The following ZHX2 variants were observed in gnomAD, a reference collection of about 807,000 sequenced individuals.
The protein encoded by ZHX2 is zinc fingers and homeoboxes protein 2.
A neutral mutation model predicts 21.9 loss-of-function variants in ZHX2; 6 were observed. The observed-to-expected ratio is 0.27, with a 90% CI of 0.15 to 0.54. The LOEUF (loss-of-function observed/expected upper bound fraction) is 0.54, where lower values mean the gene tolerates loss of function less well. Among genes scored for constraint, ZHX2 ranks in the 20% least tolerant of loss-of-function variants. The probability of loss-of-function intolerance (pLI) is 0.95; values close to 1 mark genes in which losing one functional copy is unlikely to be tolerated. For synonymous variants in ZHX2, 434 were observed against 437.1 expected, an observed-to-expected ratio of 0.99 and a Z score of 0.09; for missense variants, 908 against 1,090.7, an observed-to-expected ratio of 0.83 and a Z score of 2.36.
At chr8:122,850,335 C>T (rs1818858669) in intron 1 of ZHX2, among the ~76,000 whole-genome samples, 1 of 151,904 alleles carries the variant, frequency 6.6e-6, no homozygotes, top group South Asian at 2.1e-4. Context: ...ACCACTGTCC[C>T]CCATTCAAGA....
intron 2 of ZHX2, among the ~76,000 whole-genome samples, chr8:122,950,784 T>TGG (rs557117234): frequency 1.5e-3 from 224 of 152,006 alleles, no homozygotes; most frequent in African/African-American, 5.3e-3. Flanking sequence ...ACTGCAATAT[T>TGG]GGGGGGGTGA....
intron 1 of ZHX2, among the ~76,000 whole-genome samples, chr8:122,820,858 A>G (rs1818132942): frequency 6.6e-6 from 1 of 152,212 alleles, no homozygotes; most frequent in Non-Finnish European, 1.5e-5. Context: ...TGGCTTCCAA[A>G]TCAAAGCCAA....
intron 1 of ZHX2, among the ~76,000 whole-genome samples, chr8:122,841,146 T>A (rs551932660): frequency 1.5e-4 from 23 of 152,302 alleles, no homozygotes; most frequent in Admixed American, 1.1e-3. Context: ...CGTTGCTGGT[T>A]CCTGCTTCCC....
intron 1 of ZHX2, among the ~76,000 whole-genome samples, chr8:122,836,430 A>C (rs1413834488): frequency 6.6e-6 from 1 of 152,068 alleles, no homozygotes; most frequent in Non-Finnish European, 1.5e-5. Flanking sequence ...TGCAGACCTG[A>C]GCCCCTCCCC....
intron 3 of ZHX2, among the ~76,000 whole-genome samples, chr8:122,966,980 T>C (rs1161232650): frequency 6.6e-5 from 10 of 152,248 alleles, no homozygotes; most frequent in Non-Finnish European, 1.5e-5. Flanking sequence ...TCTCTAAATG[T>C]GTCTTTCATT....
intron 1 of ZHX2, among the ~76,000 whole-genome samples, chr8:122,804,405 G>A (rs1817784618): frequency 6.6e-6 from 1 of 152,152 alleles, no homozygotes; most frequent in Non-Finnish European, 1.5e-5. Context: ...CACCACGCCC[G>A]GCCCCATTTA....
At chr8:122,799,899 T>A (rs1817683736) in intron 1 of ZHX2, among the ~76,000 whole-genome samples, 1 of 152,228 alleles carries the variant, frequency 6.6e-6, no homozygotes, top group African/African-American at 2.4e-5. Flanking sequence ...GTTTCACTCT[T>A]GTTGCCCAGG....
chr8:122,839,666 C>G (rs1818579646), intron 1 of ZHX2, among the ~76,000 whole-genome samples: 1 of 152,168 alleles, frequency 6.6e-6, no homozygotes, highest in African/African-American at 2.4e-5. Flanking sequence ...TTCCAGAAAT[C>G]ACTGCAAGTT....
At position 122,952,380 on chromosome 8, in the gene ZHX2, T is replaced by C; in HGVS notation, c.870T>C (p.Ala290=). 6.2e-7 allele frequency: 1 copy of C among 1,614,218 alleles called. No homozygotes were observed. Among genetic ancestry groups the C allele is most frequent in the Non-Finnish European group, 8.5e-7 (1 of 1,180,048 alleles). The change falls in exon 3 of 4, where the codon GCT becomes GCC. Residue 290 remains alanine, a synonymous_variant. Coordinates refer to ENST00000314393, the MANE Select transcript of ZHX2 (RefSeq NM_014943.5). This position sits in a 1 kb window ranked among gnomAD's most constrained non-coding sequence, Gnocchi z 6.9. ...ACAAGTTTCCTTACCCGACCCAGGC[T>C]GAGTTGTCCTGGCTGACAGCTGCCT... ...SFNKFPYPTQ[A]ELSWLTAASK...
At chr8:122,891,607 GT>G (rs1819982085) in intron 2 of ZHX2, among the ~76,000 whole-genome samples, 1 of 152,008 alleles carries the variant, frequency 6.6e-6, no homozygotes, top group South Asian at 2.1e-4. Context: ...TATCCCATAG[GT>G]TTTGGTATGT....
chr8:122,953,730 G>A lies in ZHX2; in HGVS notation c.2220G>A (p.Glu740=), dbSNP rs140232374. 1.2e-6 allele frequency: 2 copies of A among 1,614,252 alleles called. No individual in the cohort carries two copies. Among genetic ancestry groups the A allele is most frequent in the African/African-American group, 2.7e-5 (2 of 75,064 alleles). The change falls in exon 3 of 4, where the codon GAG becomes GAA. Residue 740 remains glutamate (E), a synonymous_variant. Coordinates refer to ENST00000314393, the MANE Select transcript of ZHX2 (RefSeq NM_014943.5). The surrounding 1 kb of genome is among the most constrained non-coding windows in gnomAD (Gnocchi z 4.6). Reference sequence around the variant, plus strand: ...AGGACCCCAAAAAGCTCTGCGAAGAGGACTTGGAGAAGTTGGTGACCAGGG... The same window carrying A: ...AGGACCCCAAAAAGCTCTGCGAAGAAGACTTGGAGAAGTTGGTGACCAGGG... ...YYKDPKKLCE[E]DLEKLVTRVK... is the part of the protein sequence containing the mutation.
At chr8:122,809,712 G>A (rs561631786) in intron 1 of ZHX2, among the ~76,000 whole-genome samples, 1 of 152,278 alleles carries the variant, frequency 6.6e-6, no homozygotes, top group Admixed American at 6.5e-5. Context: ...CGTGGGGCCT[G>A]AAGTGTAAGA....
At chr8:122,832,488 C>T (rs1818399122) in intron 1 of ZHX2, among the ~76,000 whole-genome samples, 1 of 152,008 alleles carries the variant, frequency 6.6e-6, no homozygotes, top group African/African-American at 2.4e-5. Context: ...CGCCGTTCGT[C>T]GGTATAGAGG....
chr8:122,953,444 G>A lies in ZHX2; in HGVS notation c.1934G>A (p.Ser645Asn), dbSNP rs553555577. 1.9e-6 allele frequency: 3 copies of A among 1,614,212 alleles called. No individual in the cohort carries two copies. The highest frequency in any genetic ancestry group is 2.2e-5 in the East Asian group (1 of 44,868). Residue 645 changes from serine (S) to asparagine (N), a missense_variant, in exon 3 of 4, where the codon AGC (serine) becomes AAC (asparagine). Physicochemically the swap from Ser to Asn is conservative, Grantham distance 46. Around this residue, in one of 4 missense-constraint regions of ZHX2, gnomAD observed 431 missense variants for 428.6 expected, o/e 1.01. Transcript: ENST00000314393. This position sits in a 1 kb window ranked among gnomAD's most constrained non-coding sequence, Gnocchi z 4.6. ...CAAGAACAGGTTCATCTCCTGAGGAGCACGTTTGCAAGAACCCAGTGGCCT... is the reference window on the plus strand; with the variant it reads ...CAAGAACAGGTTCATCTCCTGAGGAACACGTTTGCAAGAACCCAGTGGCCT... ...KSQEQVHLLR[S>N]TFARTQWPTP...
At chr8:122,864,125 G>A (rs896351521) in intron 2 of ZHX2, among the ~76,000 whole-genome samples, 3 of 150,674 alleles carry the variant, frequency 2.0e-5, no homozygotes, top group Admixed American at 6.7e-5. Context: ...AGAGGTTGGA[G>A]AAATGTCTGT....
intron 2 of ZHX2, among the ~76,000 whole-genome samples, chr8:122,943,732 T>A (rs1812902215): frequency 6.6e-6 from 1 of 152,192 alleles, no homozygotes; most frequent in Admixed American, 6.5e-5. Context: ...TGGGGTTAGC[T>A]GAGATTATTG....
At chr8:122,799,640 T>C (rs997719451) in intron 1 of ZHX2, among the ~76,000 whole-genome samples, 1 of 152,158 alleles carries the variant, frequency 6.6e-6, no homozygotes, top group Non-Finnish European at 1.5e-5. Flanking sequence ...TGGTTTTAGC[T>C]CTTAGCCTGC....
chr8:122,911,414 C>G (rs1324925438), intron 2 of ZHX2, among the ~76,000 whole-genome samples: 1 of 152,158 alleles, frequency 6.6e-6, no homozygotes, highest in Non-Finnish European at 1.5e-5. Context: ...GTGCCTGCCC[C>G]CTGCTTCCCC....
intron 1 of ZHX2, among the ~76,000 whole-genome samples, chr8:122,801,979 G>A (rs1417643524): frequency 1.3e-5 from 2 of 152,162 alleles, no homozygotes; most frequent in Non-Finnish European, 2.9e-5. Flanking sequence ...GCCACCCACG[G>A]CTGCTGACTT....
Sources: gnomAD v4.1 joint callset for allele counts (sites outside exome capture counted in the v4.1 genomes callset) on GRCh38, gnomAD v4.1.1 for gene constraint, gnomAD v4.1.1 regional missense constraint, Gnocchi (gnomAD v3.1) non-coding constraint, MANE v1.5 for transcripts, NCBI Gene and HGNC (gene_info 2026-07-23, HGNC 2026-07-21) for gene names.